The following RSF1 variants were observed in gnomAD, a reference collection of about 807,000 sequenced individuals.
The protein encoded by RSF1 is HBV pX-associated protein 8.
In RSF1, 13 loss-of-function variants were observed where a neutral mutation model predicts 145.2. The ratio of observed to expected loss-of-function variants is 0.09; its 90% CI spans 0.06 to 0.14. The LOEUF (loss-of-function observed/expected upper bound fraction) is 0.14, where lower values mean the gene tolerates loss of function less well. RSF1 is among the 10% of genes least tolerant of loss of function. The pLI is 1.00. For missense variants in RSF1, 1,517 were observed against 1,718.2 expected, an observed-to-expected ratio of 0.88 and a Z score of 2.07; for synonymous variants, 577 against 592.6, an observed-to-expected ratio of 0.97 and a Z score of 0.38.
chr11:77,666,183 GCA>G lies in RSF1; in HGVS notation c.*732_*733del, dbSNP rs1169873005. ...GCTTATTTAAAAAAATTTGTTGCTAGCACAGTCTGGTTGGCAAAGCTTCATTA... is the reference window on the plus strand; with the variant it reads ...GCTTATTTAAAAAAATTTGTTGCTAGCAGTCTGGTTGGCAAAGCTTCATTA... On this transcript the variant is annotated 3_prime_UTR_variant, in exon 16 of 16. Coordinates refer to ENST00000308488, the MANE Select transcript of RSF1 (RefSeq NM_016578.4). 1 of 152,080 alleles carries G rather than the reference GCA, an allele frequency of 6.6e-6. No homozygotes were observed. Among genetic ancestry groups the G allele is most frequent in the African/African-American group, 2.4e-5 (1 of 41,416 alleles). The allele number at this position is 152,080 out of a possible 1,614,324, so 9.4% of individuals were successfully genotyped here.
chr11:77,701,362 G>T lies in RSF1; in HGVS notation c.1867C>A (p.Pro623Thr). 3.7e-6 allele frequency: 6 copies of T among 1,614,018 alleles called. No individual in the cohort carries two copies. The highest frequency in any genetic ancestry group is 5.1e-6 in the Non-Finnish European group (6 of 1,180,014). ...STLESEKPGS[P>T]EAAETSPPSN... ...GGTGGAGAAGTTTCAGCTGCCTCAG[G>T]AGAGCCAGGCTTTTCTGACTCTAGA... Residue 623 changes from proline (P) to threonine (T), a missense_variant, in exon 6 of 16, where the codon CCT becomes ACT. Transcript: ENST00000308488.
chr11:77,714,301 C>T (rs1224521531), intron 5 of RSF1, among the ~76,000 whole-genome samples: 5 of 152,108 alleles, frequency 3.3e-5, no homozygotes, highest in South Asian at 2.1e-4. Flanking sequence ...TTTGTCTATA[C>T]GTTTTTGTTG....
chr11:77,784,430 C>T (rs767949631), intron 1 of RSF1, among the ~76,000 whole-genome samples: 9 of 151,076 alleles, frequency 6.0e-5, no homozygotes, highest in Non-Finnish European at 1.0e-4. Flanking sequence ...ATTTTACTGT[C>T]CTTGTCTGCT....
At chr11:77,676,717 G>T in intron 13 of RSF1, 75 bp downstream of exon 13, 1 of 1,289,880 alleles carries the variant, frequency 7.8e-7, no homozygotes, top group Non-Finnish European at 1.1e-6. Context: ...ATCACAGCAT[G>T]GGCAAGCCTC....
rs1282275499 is a variant in RSF1, at chr11:77,702,099, T to C, written c.1130A>G (p.Asp377Gly). 1 of 1,612,460 alleles carries C rather than the reference T, an allele frequency of 6.2e-7. No individual in the cohort carries two copies. The highest frequency in any genetic ancestry group is 1.3e-5 in the African/African-American group (1 of 74,726). Residue 377 changes from aspartate (D) to glycine (G), a missense_variant, in exon 6 of 16, where the codon GAC (aspartate) becomes GGC (glycine). Coordinates refer to ENST00000308488, the MANE Select transcript of RSF1 (RefSeq NM_016578.4). ...TTTTAGTGGTATCTTGGCCTGCTGG[T>C]CATTTTTAAGTTTCTCAGTTTCTTC... ...STEETEKLKN[D>G]QQAKIPLKKR... is the part of the protein sequence containing the mutation.
chr11:77,746,118 G>A (rs1256433250), intron 3 of RSF1, among the ~76,000 whole-genome samples: 1 of 151,980 alleles, frequency 6.6e-6, no homozygotes, highest in Admixed American at 6.6e-5. Flanking sequence ...CAAAAATTGG[G>A]ATTAATAAAA....
At chr11:77,852,233 AAAAAAAAAG>A in the RSF1 span, among the ~76,000 whole-genome samples, 178 of 149,330 alleles carry the variant, frequency 1.2e-3, 3 homozygotes, top group African/African-American at 3.9e-3. Context: ...TCAAAAAAAA[AAAAAAAAAG>A]AAGAAGAAGA....
chr11:77,819,797 G>C (rs947163475), intron 1 of RSF1, among the ~76,000 whole-genome samples: 3 of 152,088 alleles, frequency 2.0e-5, no homozygotes, highest in African/African-American at 7.2e-5. Context: ...GGAGAACTAT[G>C]GAGGAGGAAT....
intron 1 of RSF1, among the ~76,000 whole-genome samples, chr11:77,808,330 T>TA (rs1056599603): frequency 1.5e-4 from 19 of 124,204 alleles, no homozygotes; most frequent in African/African-American, 5.0e-4. Context: ...AGACTCTGTC[T>TA]AAAAAAACAA....
At chr11:77,763,591 A>C (rs1216698224) in intron 2 of RSF1, 1 of 152,200 alleles carries the variant, frequency 6.6e-6, no homozygotes, top group Non-Finnish European at 1.5e-5. Context: ...AATGCAAAGG[A>C]AGCACTAAAC....
chr11:77,701,731 C>G lies in RSF1; in HGVS notation c.1498G>C (p.Gly500Arg). Residue 500 changes from glycine to arginine, a missense_variant, in exon 6 of 16, where the codon GGT becomes CGT. Physicochemically the swap from Gly to Arg is moderately radical, Grantham distance 125. Around this residue, in one of 12 missense-constraint regions of RSF1, gnomAD observed 579 missense variants for 553.5 expected, o/e 1.05. Transcript: ENST00000308488. Reference sequence around the variant, plus strand: ...GGGGCTGTTTCTTTCTCAAGCTCACCTGTTTTCATACTTGTTATGACAGAA... The same window carrying G: ...GGGGCTGTTTCTTTCTCAAGCTCACGTGTTTTCATACTTGTTATGACAGAA... ...LNSVITSMKT[G>R]ELEKETAPLR... is the part of the protein sequence containing the mutation. The G allele has an allele frequency of 6.2e-7, 1 of 1,613,662 alleles. No individual in the cohort carries two copies. The highest frequency in any genetic ancestry group is 8.5e-7 in the Non-Finnish European group (1 of 1,179,968).
rs1959284809 is a variant in RSF1, at chr11:77,663,560, A to C, written c.*3357T>G. The C allele has an allele frequency of 1.3e-5, 2 of 152,198 alleles. No individual in the cohort carries two copies. The highest frequency in any genetic ancestry group is 2.9e-5 in the Non-Finnish European group (2 of 68,024). 9.4% of individuals were successfully genotyped at this position (152,198 alleles called of 1,614,324 possible). Reference sequence around the variant, plus strand: ...TAGACATGAATTTATTCTAAATGAAACTACCCTTTATCCTCTGAATCTGTA... The same window carrying C: ...TAGACATGAATTTATTCTAAATGAACCTACCCTTTATCCTCTGAATCTGTA... On this transcript the variant is annotated 3_prime_UTR_variant, in exon 16 of 16. Transcript: ENST00000308488.
chr11:77,823,418 G>A (rs1378262987), upstream of RSF1, among the ~76,000 whole-genome samples: 1 of 151,202 alleles, frequency 6.6e-6, no homozygotes, highest in African/African-American at 2.4e-5. Flanking sequence ...TGACCCTGGG[G>A]ACCTGAAGAC....
intron 4 of RSF1, among the ~76,000 whole-genome samples, chr11:77,729,296 G>C (rs1257673245): frequency 6.6e-6 from 1 of 152,214 alleles, no homozygotes; most frequent in Admixed American, 6.5e-5. Flanking sequence ...GCTATTAACA[G>C]AGATGGGACG....
chr11:77,801,071 T>C (rs781715515), intron 1 of RSF1, among the ~76,000 whole-genome samples: 8 of 151,932 alleles, frequency 5.3e-5, no homozygotes, highest in African/African-American at 9.7e-5. Context: ...CAGAAGAGGA[T>C]AGAACACTTC....
In RSF1 at chr11:77,685,085, A is replaced by G. The variant is rs147113190; in HGVS notation, c.2955+20T>C. 4.6e-5 allele frequency: 66 copies of G among 1,444,024 alleles called. No individual in the cohort carries two copies. In the East Asian group the frequency reaches 1.5e-3, roughly 34 times the overall value. 89.5% of individuals were successfully genotyped at this position (1,444,024 alleles called of 1,614,324 possible). A position where few individuals can be genotyped will look rare whatever the true frequency, so the allele number is the denominator to read the frequency against. The stretch of plus-strand genomic sequence containing the variant: ...TTATGACAATCTCCCATTTAAAAAC[A>G]TTACAAATCAGAAACTTACTTGTGG... On this transcript the variant is annotated intron_variant, in intron 10 of 15. Transcript: ENST00000308488.
chr11:77,757,949 G>A (rs1194816072), intron 2 of RSF1, among the ~76,000 whole-genome samples: 1 of 152,094 alleles, frequency 6.6e-6, no homozygotes, highest in African/African-American at 2.4e-5. Context: ...GGACAACATA[G>A]TGAGACACTG....
chr11:77,830,987 C>CAAAAAAAAAAAAAAA, the RSF1 span, among the ~76,000 whole-genome samples: 5 of 100,514 alleles, frequency 5.0e-5, no homozygotes, highest in Non-Finnish European at 8.1e-5. Flanking sequence ...CAAAATATAC[C>CAAAAAAAAAAAAAAA]AAAAAAAAAA....
At chr11:77,765,803 C>T (rs1469186613) in intron 1 of RSF1, among the ~76,000 whole-genome samples, 3 of 152,122 alleles carry the variant, frequency 2.0e-5, no homozygotes, top group Non-Finnish European at 2.9e-5. Flanking sequence ...GCTGAAGTGC[C>T]GTGGCACAAT....
Sources: allele counts gnomAD v4.1 joint callset (sites outside exome capture counted in the v4.1 genomes callset), GRCh38; gene constraint gnomAD v4.1.1; regional missense constraint gnomAD v4.1.1; transcripts MANE v1.5; gene names NCBI Gene and HGNC (gene_info 2026-07-23, HGNC 2026-07-21).